TTC12: variants seen among roughly 807,000 people sequenced by gnomAD.
TTC12 encodes tetratricopeptide repeat domain 12.
TTC12 carries 70 observed loss-of-function variants against 90.1 expected under a neutral mutation model. The ratio of observed to expected loss-of-function variants is 0.78; its 90% CI spans 0.64 to 0.95. TTC12 has a LOEUF of 0.95. Ranked by LOEUF, TTC12 falls within the 40% of genes least tolerant of loss-of-function variation. The pLI, the probability that TTC12 is intolerant of heterozygous loss-of-function variation, is 0.00. For missense variants in TTC12, 819 were observed against 846.1 expected (o/e 0.97, Z 0.40); for synonymous variants, 296 against 311.5 (o/e 0.95, Z 0.53).
chr11:113,320,711 G>A (rs1457739771), intron 2 of TTC12, among the ~76,000 whole-genome samples: 30 of 152,346 alleles, frequency 2.0e-4, no homozygotes, highest in African/African-American at 5.8e-4. Flanking sequence ...CAAGTCGTCC[G>A]CAGATGGCAG....
intron 1 of TTC12, chr11:113,315,996 G>T: frequency 3.1e-6 from 1 of 318,522 alleles, no homozygotes; most frequent in Admixed American, 4.9e-5. Flanking sequence ...AGAACTATTT[G>T]CAGAGCGTTT....
At chr11:113,345,786 T>C (rs1450738635) in intron 13 of TTC12, among the ~76,000 whole-genome samples, 1 of 152,142 alleles carries the variant, frequency 6.6e-6, no homozygotes, top group Non-Finnish European at 1.5e-5. Flanking sequence ...TTAATATTGT[T>C]TTTGTCTCTT....
chr11:113,368,640 C>T (rs1489981654), downstream of TTC12: 26 of 791,354 alleles, frequency 3.3e-5, no homozygotes, highest in South Asian at 6.2e-5. Context: ...GGTTCCAGTG[C>T]GCCGCAAGGT....
At chr11:113,351,586 A>G (rs528735387) in intron 15 of TTC12, among the ~76,000 whole-genome samples, 2 of 152,342 alleles carry the variant, frequency 1.3e-5, no homozygotes, top group Admixed American at 1.3e-4. Context: ...CCCTGCTGAC[A>G]CTAAGTACGA....
chr11:113,346,796 AT>A, intron 13 of TTC12, among the ~76,000 whole-genome samples: 1 of 151,886 alleles, frequency 6.6e-6, no homozygotes, highest in East Asian at 1.9e-4. Context: ...AGCCTGACAC[AT>A]GGTATGATAA....
chr11:113,323,767 T>C (rs1377561532), intron 3 of TTC12, among the ~76,000 whole-genome samples: 3 of 152,144 alleles, frequency 2.0e-5, no homozygotes, highest in African/African-American at 7.2e-5. Flanking sequence ...CTGAGGTCCC[T>C]TGACCTGGGC....
intron 7 of TTC12, among the ~76,000 whole-genome samples, chr11:113,333,875 A>G (rs1555143251): frequency 1.3e-5 from 2 of 152,122 alleles, no homozygotes. Context: ...TATTAAATTT[A>G]GATTTTCTCT....
intron 10 of TTC12, among the ~76,000 whole-genome samples, chr11:113,340,103 G>T (rs1555145540): frequency 1.3e-5 from 2 of 152,198 alleles, no homozygotes; most frequent in African/African-American, 2.4e-5. Flanking sequence ...ACTAATGAGG[G>T]CCATACTGTT....
chr11:113,316,605 TC>T (rs1946954468), intron 2 of TTC12, among the ~76,000 whole-genome samples: 1 of 152,248 alleles, frequency 6.6e-6, no homozygotes, highest in Non-Finnish European at 1.5e-5. Context: ...AGCTGCTGTT[TC>T]CCCATTGACA....
At chr11:113,335,972 T>C (rs1223078648) in intron 8 of TTC12, among the ~76,000 whole-genome samples, 3 of 152,222 alleles carry the variant, frequency 2.0e-5, no homozygotes, top group African/African-American at 7.2e-5. Context: ...GGTAACTCTA[T>C]GTTTAACCTT....
chr11:113,328,596 C>T (rs1352302694), intron 6 of TTC12, among the ~76,000 whole-genome samples: 1 of 152,028 alleles, frequency 6.6e-6, no homozygotes, highest in Non-Finnish European at 1.5e-5. Flanking sequence ...AGAAGCAGAG[C>T]TTTATTATCT....
In TTC12 at chr11:113,325,537, A is replaced by C; in HGVS notation, c.336A>C (p.Lys112Asn). ...NKVLADALKEKGNEAFAEGNY... is the reference protein window; with the variant it reads ...NKVLADALKENGNEAFAEGNY... Reference sequence around the variant, plus strand: ...ATATTCCCATAGCCCTAAAAGAAAAAGGGAATGAAGCATTTGCTGAAGGCA... The same window carrying C: ...ATATTCCCATAGCCCTAAAAGAAAACGGGAATGAAGCATTTGCTGAAGGCA... The change falls in exon 6 of 22, where the codon AAA (lysine) becomes AAC (asparagine). Residue 112 changes from lysine (K) to asparagine (N), a missense_variant. Coordinates refer to ENST00000529221, the MANE Select transcript of TTC12 (RefSeq NM_017868.4). 6.2e-7 allele frequency: 1 copy of C among 1,613,782 alleles called. No individual in the cohort carries two copies. Among genetic ancestry groups the C allele is most frequent in the Non-Finnish European group, 8.5e-7 (1 of 1,179,720 alleles).
intron 16 of TTC12, among the ~76,000 whole-genome samples, chr11:113,356,251 G>A (rs1555152405): frequency 3.9e-5 from 6 of 152,106 alleles, no homozygotes. Context: ...TCTAAAACTA[G>A]GATTGCAACG....
At chr11:113,315,811 A>T (rs1946900839) in intron 1 of TTC12, 1 of 153,878 alleles carries the variant, frequency 6.5e-6, no homozygotes, top group South Asian at 2.1e-4. Flanking sequence ...TTAGATGCAA[A>T]TTGCCCCAAG....
chr11:113,359,200 C>T (rs567886293), intron 16 of TTC12, among the ~76,000 whole-genome samples, 163 bp from the exon 17 acceptor site: 34 of 152,214 alleles, frequency 2.2e-4, no homozygotes, highest in Non-Finnish European at 3.8e-4. Flanking sequence ...TGGACCAACA[C>T]TAACTCATAG....
intron 14 of TTC12, among the ~76,000 whole-genome samples, chr11:113,350,831 T>C (rs1196906826): frequency 6.6e-6 from 1 of 152,228 alleles, no homozygotes; most frequent in Non-Finnish European, 1.5e-5. Context: ...ACAGTGGCCA[T>C]AGAGTGTGGA....
At chr11:113,324,125 G>A (rs1555139959) in intron 4 of TTC12, 110 bp downstream of exon 4, 5 of 859,878 alleles carry the variant, frequency 5.8e-6, no homozygotes, top group Non-Finnish European at 9.4e-6. Flanking sequence ...CAAACAACCT[G>A]TGAACAAAAA....
At position 113,363,858 on chromosome 11, in the gene TTC12, A is replaced by C; in HGVS notation, c.1747A>C (p.Ile583Leu). ...AGGTGAGACTGCATCACGTTATGCTATAAAGATACTAGCTATCTGCACGAA... is the reference window on the plus strand; with the variant it reads ...AGGTGAGACTGCATCACGTTATGCTCTAAAGATACTAGCTATCTGCACGAA... The part of the protein sequence containing the change: ...TGGETASRYA[I>L]KILAICTNSY... The change falls in exon 20 of 22, where the codon ATA becomes CTA. Residue 583 changes from isoleucine (I) to leucine (L), a missense_variant. Physicochemically the swap from Ile to Leu is conservative, Grantham distance 5. Transcript: ENST00000529221. 1 of 1,613,722 alleles carries C rather than the reference A, an allele frequency of 6.2e-7. No individual in the cohort carries two copies.
intron 18 of TTC12, 79 bp downstream of exon 18, chr11:113,360,087 T>C: frequency 9.0e-7 from 1 of 1,107,130 alleles, no homozygotes; most frequent in Non-Finnish European, 1.3e-6. Flanking sequence ...TTATTATCAG[T>C]GTAATCTTTT....
Sources: gnomAD v4.1 joint callset for allele counts (sites outside exome capture counted in the v4.1 genomes callset) on GRCh38, gnomAD v4.1.1 for gene constraint, MANE v1.5 for transcripts, NCBI Gene and HGNC (gene_info 2026-07-23, HGNC 2026-07-21) for gene names.